Variants in AKAP9 observed in about 807,000 individuals in gnomAD.
The protein encoded by AKAP9 is A-kinase anchoring protein 9.
A neutral mutation model predicts 488.5 loss-of-function variants in AKAP9; 311 were observed. That is an observed-to-expected ratio of 0.64 (90% confidence interval 0.58 to 0.70). The LOEUF is 0.70. Ranked by LOEUF, AKAP9 falls within the 30% of genes least tolerant of loss-of-function variation. AKAP9 has a pLI of 0.00. For missense variants in AKAP9, 4,215 were observed against 4,374.5 expected (o/e 0.96, Z 1.03); for synonymous variants, 1,462 against 1,483.5 (o/e 0.99, Z 0.33).
At chr7:92,021,252 C>T in intron 12 of AKAP9, among the ~76,000 whole-genome samples, 1 of 152,110 alleles carries the variant, frequency 6.6e-6, no homozygotes, top group Non-Finnish European at 1.5e-5. Context: ...TAGCCGTTCT[C>T]TAATTGTTTA....
intron 17 of AKAP9, 35 bp from the exon 18 acceptor site, chr7:92,040,635 ATGGT>A (rs1213481493): frequency 3.3e-5 from 46 of 1,392,758 alleles, no homozygotes; most frequent in Non-Finnish European, 4.4e-5. Flanking sequence ...AAAATGTGTT[ATGGT>A]TGAATTGTTT....
chr7:91,979,813 ACAGAG>A (rs1796158006), intron 2 of AKAP9, among the ~76,000 whole-genome samples: 1 of 152,220 alleles, frequency 6.6e-6, no homozygotes, highest in South Asian at 2.1e-4. Context: ...CCTGGATGGG[ACAGAG>A]TAAGATTTCA....
chr7:91,991,633 G>A (rs185240878), intron 3 of AKAP9, among the ~76,000 whole-genome samples: 3,549 of 151,872 alleles, frequency 0.023, 159 homozygotes, highest in African/African-American at 0.081. Context: ...CACCACACCC[G>A]GCTAATTTTT....
chr7:92,014,304 T>A lies in AKAP9; in HGVS notation c.3588T>A (p.Ser1196=). Residue 1196 remains serine, a synonymous_variant, in exon 10 of 50, where the codon TCT becomes TCA. Transcript: ENST00000356239. ...TTGGAAAACTTCAAAAGGCAGTGTC[T>A]GAAGAATGTTCTTATTTTTTACAGG... is the stretch of plus-strand genomic sequence containing the variant. ...LLIGKLQKAV[S]EECSYFLQTL... The A allele has an allele frequency of 6.2e-7, 1 of 1,612,812 alleles. No individual in the cohort carries two copies. The highest frequency in any genetic ancestry group is 8.5e-7 in the Non-Finnish European group (1 of 1,178,996).
At chr7:91,957,810 A>C (rs1004166821) in intron 1 of AKAP9, among the ~76,000 whole-genome samples, 1 of 152,232 alleles carries the variant, frequency 6.6e-6, no homozygotes, top group Non-Finnish European at 1.5e-5. Flanking sequence ...AAATTTTGTA[A>C]TAATCAGTAT....
At chr7:91,992,309 T>G (rs1295623755) in intron 4 of AKAP9, 98 bp downstream of exon 4, 1 of 888,360 alleles carries the variant, frequency 1.1e-6, no homozygotes, top group Admixed American at 1.8e-5. Flanking sequence ...CTTCTTTCTG[T>G]GTGTGATTTC....
chr7:92,036,161 G>A (rs1169677504), intron 16 of AKAP9, among the ~76,000 whole-genome samples: 1 of 151,928 alleles, frequency 6.6e-6, no homozygotes, highest in East Asian at 1.9e-4. Context: ...CCAGAACTTT[G>A]AAGGTAACAT....
intron 1 of AKAP9, among the ~76,000 whole-genome samples, chr7:91,950,385 A>ACT (rs1792065929): frequency 6.6e-6 from 1 of 152,018 alleles, no homozygotes; most frequent in South Asian, 2.1e-4. Context: ...GCACGCTGCC[A>ACT]AGCCCGGCTA....
rs1563055131 is a variant in AKAP9 at position 92,052,925 on chromosome 7, ACTC to A, written c.5571_5573del (p.Leu1858del). 2 of 1,613,038 alleles carry A rather than the reference ACTC, an allele frequency of 1.2e-6. No individual in the cohort carries two copies. Among genetic ancestry groups the A allele is most frequent in the Admixed American group, 3.3e-5 (2 of 59,926 alleles). ...CTCGACTACAAGCAGCAGTTGAAAA[ACTC>A]CTAGAAGCCATAAGTGAAACTAGCA... On this transcript the variant is annotated inframe_deletion, in exon 22 of 50. Transcript: ENST00000356239.
chr7:91,953,335 A>G (rs950454687), intron 1 of AKAP9, among the ~76,000 whole-genome samples: 9 of 152,200 alleles, frequency 5.9e-5, no homozygotes, highest in African/African-American at 1.9e-4. Flanking sequence ...GTTCTTTATT[A>G]TACATCTAAA....
intron 1 of AKAP9, among the ~76,000 whole-genome samples, chr7:91,947,510 G>T (rs10259526): frequency 0.69 from 104,596 of 151,796 alleles, 36,995 homozygotes; most frequent in African/African-American, 0.85. Context: ...ACCCGGCTAG[G>T]TTTTTATTTT....
chr7:91,992,310 G>A (rs1374103858), intron 4 of AKAP9, 99 bp downstream of exon 4: 8 of 883,786 alleles, frequency 9.1e-6, no homozygotes, highest in African/African-American at 8.3e-5. Context: ...TTCTTTCTGT[G>A]TGTGATTTCA....
At position 92,045,206 on chromosome 7, in the gene AKAP9, TA is replaced by T; in HGVS notation, c.5362del (p.Thr1788GlnfsTer27). 1 of 1,613,588 alleles carries T rather than the reference TA, an allele frequency of 6.2e-7. No homozygotes were observed. Among genetic ancestry groups the T allele is most frequent in the Non-Finnish European group, 8.5e-7 (1 of 1,179,618 alleles). ...TAAAGTCATGTGTCCATGAGGAACA[TA>T]CAAGAGGTACTAGTTTTCTGTGTTG... ...SVKSCVHEEH[T>X]RVTDESIPSY... On this transcript the variant is annotated frameshift_variant, in exon 21 of 50. Transcript: ENST00000356239. LOFTEE classifies it high-confidence loss of function.
chr7:91,973,996 T>C (rs1237770147), intron 2 of AKAP9, 28 bp downstream of exon 2: 5 of 1,612,940 alleles, frequency 3.1e-6, no homozygotes. Context: ...TTTTTAATCA[T>C]TATGGTTCTC....
intron 28 of AKAP9, among the ~76,000 whole-genome samples, chr7:92,072,872 C>G (rs1563090099): frequency 6.6e-6 from 1 of 152,192 alleles, no homozygotes; most frequent in Non-Finnish European, 1.5e-5. Flanking sequence ...TTCCCGAGGA[C>G]AGACTCTGTT....
At chr7:92,091,526 C>A (rs1584514213) in intron 38 of AKAP9, among the ~76,000 whole-genome samples, 1 of 134,526 alleles carries the variant, frequency 7.4e-6, no homozygotes, top group Non-Finnish European at 1.5e-5. Flanking sequence ...GCAGAGGTTG[C>A]AATGAGTTGG....
intron 16 of AKAP9, among the ~76,000 whole-genome samples, chr7:92,036,780 G>A (rs1805264571): frequency 6.6e-6 from 1 of 152,158 alleles, no homozygotes; most frequent in Admixed American, 6.5e-5. Context: ...TTGATCACTA[G>A]TTACAGAAGG....
rs76044269 is a variant in AKAP9 at position 92,069,273 on chromosome 7, A to G, written c.6331-757A>G. 7.2e-5 allele frequency among the ~76,000 whole-genome samples: 11 copies of G among 152,348 alleles called. No homozygotes were observed. In the East Asian group the frequency reaches 2.1e-3, roughly 29 times the overall value. On this transcript the variant is annotated intron_variant, in intron 26 of 49. Transcript: ENST00000356239. ...CAGTACCTGCAAATTTGTCATCTTC[A>G]TTAGGATTTAGTGTGGTTGTGCCAT...
intron 1 of AKAP9, among the ~76,000 whole-genome samples, chr7:91,956,788 A>T (rs1206038592): frequency 6.6e-6 from 1 of 152,188 alleles, no homozygotes; most frequent in Non-Finnish European, 1.5e-5. Context: ...ACGTGCTCTA[A>T]AAAAATAGAT....
Sources: allele counts gnomAD v4.1 joint callset (sites outside exome capture counted in the v4.1 genomes callset), GRCh38; gene constraint gnomAD v4.1.1; transcripts MANE v1.5; gene names NCBI Gene and HGNC (gene_info 2026-07-23, HGNC 2026-07-21).